Variants in SLC45A4 observed in about 807,000 individuals in gnomAD.
SLC45A4 encodes the protein polyamine-transporter SLC45A4.
Under a neutral mutation model 63.7 loss-of-function variants are expected in SLC45A4, and 32 were observed. That is an observed-to-expected ratio of 0.50 (90% CI 0.38 to 0.67). The LOEUF is 0.67. SLC45A4 is among the 30% of genes least tolerant of loss of function. SLC45A4 has a pLI of 0.00. For synonymous variants in SLC45A4, 535 were observed against 510.0 expected, an observed-to-expected ratio of 1.05 and a Z score of -0.66; for missense variants, 1,027 against 1,157.7, an observed-to-expected ratio of 0.89 and a Z score of 1.64.
At chr8:141,222,806 T>C (rs1589774650) in intron 2 of SLC45A4, among the ~76,000 whole-genome samples, 2 of 152,232 alleles carry the variant, frequency 1.3e-5, no homozygotes, top group East Asian at 3.9e-4. Context: ...CTGTGAGAAC[T>C]TGGGTGCCGG....
rs1395248617 is a variant in SLC45A4 at position 141,229,938 on chromosome 8, G to A, written c.242-8173C>T. On this transcript the variant is annotated intron_variant, in intron 2 of 8. Coordinates refer to ENST00000517878, the MANE Select transcript of SLC45A4 (RefSeq NM_001286646.2). This position sits in a 1 kb window ranked among gnomAD's most constrained non-coding sequence, Gnocchi z 5.0. Reference sequence around the variant, plus strand: ...GAGAACATGGTGCGCACAGCTCAGCGCTGGACACTAGATCCCTGCCTGCAC... The same window carrying A: ...GAGAACATGGTGCGCACAGCTCAGCACTGGACACTAGATCCCTGCCTGCAC... 3.2e-5 allele frequency: 13 copies of A among 409,320 alleles called. No homozygotes were observed. The highest frequency in any genetic ancestry group is 1.4e-4 in the East Asian group (2 of 14,084). 25.4% of individuals were successfully genotyped at this position (409,320 alleles called of 1,614,324 possible).
At chr8:141,270,072 T>C (rs1338986105) in intron 1 of SLC45A4, among the ~76,000 whole-genome samples, 1 of 152,070 alleles carries the variant, frequency 6.6e-6, no homozygotes, top group Non-Finnish European at 1.5e-5. Context: ...CACACCTGCT[T>C]GCAGACCTTG....
At chr8:141,304,283 ACG>A (rs1830832455) in intron 1 of SLC45A4, among the ~76,000 whole-genome samples, 5 of 150,930 alleles carry the variant, frequency 3.3e-5, no homozygotes, top group Non-Finnish European at 7.4e-5. Context: ...ACACACACAC[ACG>A]CAAAGGAGAG....
rs1222321303 is a variant in SLC45A4 at position 141,278,213 on chromosome 8, C to G, written c.-400-23584G>C. 6.6e-6 allele frequency: 1 copy of G among 152,578 alleles called. No homozygotes were observed. Among genetic ancestry groups the G allele is most frequent in the East Asian group, 1.9e-4 (1 of 5,210 alleles). The allele number at this position is 152,578 out of a possible 1,614,324, so 9.5% of individuals were successfully genotyped here. A position where few individuals can be genotyped will look rare whatever the true frequency, so the allele number is the denominator to read the frequency against. Reference sequence around the variant, plus strand: ...AGCACCAGGCAGCTGAGCTGAGCTCCTGCAGCACATAGGGAGCCTGGGCTG... The same window carrying G: ...AGCACCAGGCAGCTGAGCTGAGCTCGTGCAGCACATAGGGAGCCTGGGCTG... On this transcript the variant is annotated intron_variant, in intron 1 of 8. Transcript: ENST00000517878. This position sits in a 1 kb window ranked among gnomAD's most constrained non-coding sequence, Gnocchi z 4.1.
chr8:141,231,141 G>C (rs754757144), intron 2 of SLC45A4, among the ~76,000 whole-genome samples: 1 of 152,232 alleles, frequency 6.6e-6, no homozygotes, highest in Non-Finnish European at 1.5e-5. Context: ...GGTCACCCCG[G>C]AAGAGAAAGG....
intron 2 of SLC45A4, among the ~76,000 whole-genome samples, chr8:141,240,937 C>G (rs1249229512): frequency 6.6e-6 from 1 of 152,198 alleles, no homozygotes; most frequent in Non-Finnish European, 1.5e-5. Flanking sequence ...CAGCTGGGGG[C>G]AGCCGCCCGG....
chr8:141,303,422 G>A (rs889222267), intron 1 of SLC45A4, among the ~76,000 whole-genome samples: 9 of 148,942 alleles, frequency 6.0e-5, no homozygotes, highest in African/African-American at 1.5e-4. Context: ...TTGCAGGAAC[G>A]AGCCTCTGTG....
chr8:141,267,223 C>T (rs1438528190), intron 1 of SLC45A4, among the ~76,000 whole-genome samples: 1 of 152,290 alleles, frequency 6.6e-6, no homozygotes, highest in African/African-American at 2.4e-5. Context: ...AGCTTCACTG[C>T]TGTCCTTCAG....
intron 8 of SLC45A4, chr8:141,211,908 A>G: frequency 8.0e-7 from 1 of 1,247,324 alleles, no homozygotes; most frequent in East Asian, 3.1e-5. Flanking sequence ...CTGCAGAATA[A>G]AAGAGCTGAA....
chr8:141,220,885 C>T (rs1017315136), intron 3 of SLC45A4, among the ~76,000 whole-genome samples: 3 of 152,246 alleles, frequency 2.0e-5, no homozygotes, highest in Non-Finnish European at 4.4e-5. Context: ...AGCTCCGCGC[C>T]CAGCAGGCGC....
intron 1 of SLC45A4, among the ~76,000 whole-genome samples, chr8:141,285,613 G>A (rs1006646956): frequency 3.9e-5 from 6 of 152,194 alleles, no homozygotes; most frequent in South Asian, 2.1e-4. Flanking sequence ...GGCCACGTCC[G>A]TTTAAACATA....
In SLC45A4 at chr8:141,301,032, G is replaced by A. The variant is rs371654929; in HGVS notation, c.-401+7064C>T. On this transcript the variant is annotated intron_variant, in intron 1 of 8. Transcript: ENST00000517878. The stretch of plus-strand genomic sequence containing the variant: ...GTGTGGGGAACTCAGAGAGCCGCAA[G>A]GTCCCCACAAACGCCTGCCTAAAAC... Among the ~76,000 whole-genome samples the A allele has an allele frequency of 6.6e-5, 10 of 152,280 alleles. No homozygotes were observed. In the East Asian group the frequency reaches 1.9e-3, roughly 29 times the overall value.
chr8:141,270,090 C>A (rs750160646), intron 1 of SLC45A4, among the ~76,000 whole-genome samples: 4 of 152,170 alleles, frequency 2.6e-5, no homozygotes, highest in Non-Finnish European at 5.9e-5. Flanking sequence ...TTGCCTCCTG[C>A]CCCACAGACC....
Position 141,218,177 on chromosome 8 carries a change from C to A in SLC45A4, c.1463G>T (p.Gly488Val). The A allele has an allele frequency of 6.2e-7, 1 of 1,606,086 alleles. No individual in the cohort carries two copies. The change falls in exon 5 of 9, where the codon GGG becomes GTG. Residue 488 changes from glycine (G) to valine (V), a missense_variant. Physicochemically the swap from Gly to Val is moderately radical, Grantham distance 109 (BLOSUM62 -3). Transcript: ENST00000517878. The stretch of plus-strand genomic sequence containing the variant: ...CAGGCGCACCGTGGTCTCGCCCTCC[C>A]CCTCCTCACTCTCGGTGTCCCCGCT... Reference protein sequence around the residue: ...TSSGDTESEEGEGETTVRLLW... With the variant: ...TSSGDTESEEVEGETTVRLLW...
At chr8:141,250,272 A>T (rs1417941016) in intron 2 of SLC45A4, among the ~76,000 whole-genome samples, 1 of 152,220 alleles carries the variant, frequency 6.6e-6, no homozygotes, top group Non-Finnish European at 1.5e-5. Flanking sequence ...CCATATCTTG[A>T]GTCCTCATAC....
intron 1 of SLC45A4, among the ~76,000 whole-genome samples, chr8:141,259,234 C>A (rs1489782295): frequency 6.6e-6 from 1 of 152,246 alleles, no homozygotes. Context: ...ACGGTCAGGG[C>A]AAGCCGCCAG....
At chr8:141,240,936 G>A (rs1003723913) in intron 2 of SLC45A4, among the ~76,000 whole-genome samples, 6 of 152,190 alleles carry the variant, frequency 3.9e-5, no homozygotes, top group African/African-American at 1.4e-4. Context: ...GCAGCTGGGG[G>A]CAGCCGCCCG....
chr8:141,217,885 G>A (rs1387475428), intron 5 of SLC45A4, 126 bp downstream of exon 5: 33 of 1,194,074 alleles, frequency 2.8e-5, no homozygotes, highest in Non-Finnish European at 3.8e-5. Context: ...CTGCACGGGA[G>A]GCACTGTGTG....
rs753396478 is a variant in SLC45A4 at position 141,229,696 on chromosome 8, A to G, written c.242-7931T>C. 6.6e-6 allele frequency among the ~76,000 whole-genome samples: 1 copy of G among 152,084 alleles called. No homozygotes were observed. The highest frequency in any genetic ancestry group is 1.5e-5 in the Non-Finnish European group (1 of 68,006). ...CCAGGTGGGCCCTGACAACAGACCC[A>G]CTGGGTGATGAGCCTGACTTCCCTA... On this transcript the variant is annotated intron_variant, in intron 2 of 8. Coordinates refer to ENST00000517878, the MANE Select transcript of SLC45A4 (RefSeq NM_001286646.2). The surrounding 1 kb of genome is among the most constrained non-coding windows in gnomAD (Gnocchi z 5.0).
Sources: gnomAD v4.1 joint callset for allele counts (sites outside exome capture counted in the v4.1 genomes callset) on GRCh38, gnomAD v4.1.1 for gene constraint, Gnocchi (gnomAD v3.1) non-coding constraint, MANE v1.5 for transcripts, NCBI Gene and HGNC (gene_info 2026-07-23, HGNC 2026-07-21) for gene names.